Variants in SATL1 observed in about 807,000 individuals in gnomAD.
SATL1 encodes spermidine/spermine N1-acetyl transferase like 1.
A neutral mutation model predicts 51.8 loss-of-function variants in SATL1; 47 were observed. The ratio of observed to expected loss-of-function variants is 0.91; its 90% CI spans 0.72 to 1.16. The LOEUF (loss-of-function observed/expected upper bound fraction) is 1.16. Ranked by LOEUF, SATL1 falls within the 50% of genes most tolerant of loss-of-function variation. The pLI, the probability that SATL1 is intolerant of heterozygous loss-of-function variation, is 0.00. For missense variants in SATL1, 520 were observed against 526.4 expected (o/e 0.99, Z 0.12); for synonymous variants, 176 against 182.4 (o/e 0.97, Z 0.28).
chrX:85,190,316 T>G (rs1004708630), intron 2 of SATL1, among the ~76,000 whole-genome samples: 7 of 112,179 alleles, frequency 6.2e-5, no homozygotes, highest in Admixed American at 1.9e-4. Context: ...AAAAATAAAA[T>G]AGCAATAGTA....
chrX:85,173,245 G>C (rs1359232399), intron 2 of SATL1, among the ~76,000 whole-genome samples: 5 of 111,080 alleles, frequency 4.5e-5, no homozygotes, highest in Non-Finnish European at 9.4e-5. Context: ...TGTACAAGTA[G>C]TATCAGATTA....
rs373795232 is a variant in SATL1 at position 85,155,627 on chromosome X, T to A, written c.-312-46347A>T. On this transcript the variant is annotated intron_variant, in intron 2 of 7. Transcript: ENST00000644105. ...AAAATGCAGTTTAGTTTGAGCTCCATTTTATTCTCCCTCTGCCATTTCCTG... is the reference window on the plus strand; with the variant it reads ...AAAATGCAGTTTAGTTTGAGCTCCAATTTATTCTCCCTCTGCCATTTCCTG... Among the ~76,000 whole-genome samples, 15 of 111,828 alleles carry A rather than the reference T, an allele frequency of 1.3e-4. No homozygotes were observed. The East Asian group carries it at 3.4e-3, about 25-fold the overall frequency.
At chrX:85,198,299 C>A (rs779389831) in intron 2 of SATL1, among the ~76,000 whole-genome samples, 1 of 111,919 alleles carries the variant, frequency 8.9e-6, no homozygotes, top group South Asian at 3.7e-4. Flanking sequence ...CTTGAGAATG[C>A]AGACGACTCT....
intron 2 of SATL1, among the ~76,000 whole-genome samples, chrX:85,166,617 C>CA (rs1569240545): frequency 9.0e-6 from 1 of 110,706 alleles, no homozygotes; most frequent in African/African-American, 3.3e-5. Flanking sequence ...ACTAAAAAAT[C>CA]AAAAAATAAT....
chrX:85,218,772 T>C (rs1307450840), intron 2 of SATL1, among the ~76,000 whole-genome samples: 2 of 112,009 alleles, frequency 1.8e-5, no homozygotes, highest in Admixed American at 1.9e-4. Context: ...AATTTTCTCC[T>C]GTAATGTTTG....
intron 1 of SATL1, among the ~76,000 whole-genome samples, chrX:85,238,594 T>G (rs1928525468): frequency 9.0e-6 from 1 of 111,246 alleles, no homozygotes; most frequent in African/African-American, 3.3e-5. Flanking sequence ...GAAATGGGGA[T>G]AGTGAATGGG....
At chrX:85,097,498 C>T (rs1291285325) in intron 4 of SATL1, among the ~76,000 whole-genome samples, 1 of 111,358 alleles carries the variant, frequency 9.0e-6, no homozygotes, top group Non-Finnish European at 1.9e-5. Flanking sequence ...CCATCATGCC[C>T]AGCTAATTTT....
In SATL1 at chrX:85,157,328, T is replaced by A. The variant is rs1254216716; in HGVS notation, c.-312-48048A>T. ...TTGAAACAAATTATAGTATGAAGGG[T>A]TTGTTGTAATCTATAGTATTTTTCA... On this transcript the variant is annotated intron_variant, in intron 2 of 7. Transcript: ENST00000644105. Among the ~76,000 whole-genome samples the A allele has an allele frequency of 1.5e-4, 16 of 110,190 alleles. 1 individual carries two copies. Among genetic ancestry groups the A allele is most frequent in the Non-Finnish European group, 3.8e-5 (2 of 52,622 alleles).
intron 2 of SATL1, among the ~76,000 whole-genome samples, chrX:85,127,264 A>G (rs908945995): frequency 9.9e-5 from 11 of 111,053 alleles, no homozygotes; most frequent in African/African-American, 1.3e-4. Context: ...CTGTTTTCTC[A>G]TCTATAAGGC....
At position 85,092,385 on chromosome X, in the gene SATL1, CCT is replaced by C. The variant is rs1183663222; in HGVS notation, c.*4_*5del. On this transcript the variant is annotated 3_prime_UTR_variant, in exon 8 of 8. Transcript: ENST00000644105. Reference sequence around the variant, plus strand: ...TGTGTTGGGATGAGTTGTTACAAAGCCTCTTTCATTCTTCCCATGCCATGTCC... The same window carrying C: ...TGTGTTGGGATGAGTTGTTACAAAGCCTTTCATTCTTCCCATGCCATGTCC... The C allele has an allele frequency of 8.6e-7, 1 of 1,160,593 alleles. No homozygotes were observed. The highest frequency in any genetic ancestry group is 3.3e-5 in the East Asian group (1 of 30,751).
intron 2 of SATL1, among the ~76,000 whole-genome samples, chrX:85,185,305 A>G (rs749763193): frequency 5.3e-5 from 6 of 112,444 alleles, no homozygotes; most frequent in Non-Finnish European, 1.1e-4. Flanking sequence ...TATTTCACTC[A>G]AGGCTCATGG....
At chrX:85,169,423 G>GA (rs770577547) in intron 2 of SATL1, among the ~76,000 whole-genome samples, 1,803 of 107,081 alleles carry the variant, frequency 0.017, 40 homozygotes, top group African/African-American at 0.056. Context: ...AAATTTACAA[G>GA]AAAAAAAAAC....
chrX:85,232,024 T>G (rs2147765915), intron 1 of SATL1, among the ~76,000 whole-genome samples: 1 of 106,684 alleles, frequency 9.4e-6, no homozygotes, highest in African/African-American at 3.4e-5. Context: ...TGAAAGAAAC[T>G]CCTTTCTTCT....
At chrX:85,239,102 A>G (rs776516076) in intron 1 of SATL1, among the ~76,000 whole-genome samples, 3 of 110,691 alleles carry the variant, frequency 2.7e-5, no homozygotes, top group East Asian at 5.6e-4. Context: ...AAGTGTTCTT[A>G]CCACGATTAA....
At chrX:85,130,447 G>A (rs55756002) in intron 2 of SATL1, among the ~76,000 whole-genome samples, 11,979 of 111,220 alleles carry the variant, frequency 0.11, 558 homozygotes, top group South Asian at 0.22. Flanking sequence ...GGTGTTTATA[G>A]TATTCTCTGA....
rs1255391767 is a variant in SATL1, at chrX:85,181,028, A to G, written c.-313+43177T>C. 3.6e-5 allele frequency among the ~76,000 whole-genome samples: 4 copies of G among 109,725 alleles called. No individual in the cohort carries two copies. In the East Asian group the frequency reaches 1.1e-3, roughly 31 times the overall value. ...GCCAAGATTATAAAAATCGTTTAAC[A>G]AGAGAAAAATGTGTCATTTGATAAA... On this transcript the variant is annotated intron_variant, in intron 2 of 7. Transcript: ENST00000644105.
intron 1 of SATL1, among the ~76,000 whole-genome samples, chrX:85,230,384 T>C (rs1189833653): frequency 3.6e-5 from 4 of 111,989 alleles, no homozygotes; most frequent in African/African-American, 1.3e-4. Flanking sequence ...AATAATGAAA[T>C]TGGTCATTTC....
At chrX:85,112,060 A>G (rs1925272219) in intron 2 of SATL1, among the ~76,000 whole-genome samples, 1 of 111,884 alleles carries the variant, frequency 8.9e-6, no homozygotes, top group African/African-American at 3.3e-5. Context: ...TTTATTAAAA[A>G]GTTTTAGAGG....
intron 2 of SATL1, among the ~76,000 whole-genome samples, chrX:85,194,094 T>C (rs1602902881): frequency 9.0e-6 from 1 of 111,721 alleles, no homozygotes; most frequent in East Asian, 2.8e-4. Flanking sequence ...GGAATAAACA[T>C]AGTACTTTCC....
Sources: allele counts gnomAD v4.1 joint callset (sites outside exome capture counted in the v4.1 genomes callset), GRCh38; gene constraint gnomAD v4.1.1; transcripts MANE v1.5; gene names NCBI Gene and HGNC (gene_info 2026-07-23, HGNC 2026-07-21).